Variants in ERBB4 observed in about 807,000 individuals in gnomAD.
ERBB4 encodes the protein erb-b2 receptor tyrosine kinase 4, also known as receptor tyrosine-protein kinase erbB-4.
ERBB4 carries 42 observed loss-of-function variants against 158.0 expected under a neutral mutation model. That is an observed-to-expected ratio of 0.27 (90% CI 0.21 to 0.34). The LOEUF is 0.34. ERBB4 is among the 10% of genes least tolerant of loss of function. The probability of loss-of-function intolerance (pLI) is 1.00; values close to 1 mark genes in which losing one functional copy is unlikely to be tolerated. For missense variants in ERBB4, 1,333 were observed against 1,624.1 expected, an observed-to-expected ratio of 0.82 and a Z score of 3.08; for synonymous variants, 583 against 558.7, an observed-to-expected ratio of 1.04 and a Z score of -0.61.
intron 1 of ERBB4, among the ~76,000 whole-genome samples, chr2:212,401,596 A>G (rs1219295187): frequency 6.6e-6 from 1 of 152,206 alleles, no homozygotes; most frequent in South Asian, 2.1e-4. Context: ...AAATGAAATA[A>G]GCTTAGCTTA....
At position 211,602,122 on chromosome 2, in the gene ERBB4, G is replaced by A. The variant is rs2068819086; in HGVS notation, c.2301+17055C>T. On this transcript the variant is annotated intron_variant, in intron 19 of 27. Coordinates refer to ENST00000342788, the MANE Select transcript of ERBB4 (RefSeq NM_005235.3). Reference sequence around the variant, plus strand: ...GTGGAGTAGGCAGGTGTTGGGTGTAGGGGGGTGGTCAGCAGTTTGAGTGTG... The same window carrying A: ...GTGGAGTAGGCAGGTGTTGGGTGTAAGGGGGTGGTCAGCAGTTTGAGTGTG... Among the ~76,000 whole-genome samples the A allele has an allele frequency of 2.0e-5, 3 of 151,932 alleles. No homozygotes were observed. The South Asian group carries it at 6.2e-4, about 31-fold the overall frequency.
Position 211,383,303 on chromosome 2 carries a change from A to C in ERBB4, c.*312T>G, listed in dbSNP as rs945560040. 27 of 316,534 alleles carry C rather than the reference A, an allele frequency of 8.5e-5. No homozygotes were observed. Among genetic ancestry groups the C allele is most frequent in the African/African-American group, 5.3e-4 (25 of 46,974 alleles). 19.6% of individuals were successfully genotyped at this position (316,534 alleles called of 1,614,324 possible). ...CAAAGAAAGAAAAAGAAAAAGAAAAAAAGTGACAGCTAGTTTGATAGTAGG... is the reference window on the plus strand; with the variant it reads ...CAAAGAAAGAAAAAGAAAAAGAAAACAAGTGACAGCTAGTTTGATAGTAGG... On this transcript the variant is annotated 3_prime_UTR_variant, in exon 28 of 28. Transcript: ENST00000342788.
chr2:212,057,163 A>G (rs572673219), intron 2 of ERBB4, among the ~76,000 whole-genome samples: 3 of 152,328 alleles, frequency 2.0e-5, no homozygotes, highest in South Asian at 4.1e-4. Flanking sequence ...TAAACCAGCA[A>G]AGATCGAAAG....
chr2:211,416,146 T>C (rs771575265), intron 25 of ERBB4, among the ~76,000 whole-genome samples: 2 of 152,176 alleles, frequency 1.3e-5, no homozygotes, highest in Non-Finnish European at 2.9e-5. Context: ...TCTATAAAAA[T>C]ACATGGAAGC....
intron 3 of ERBB4, among the ~76,000 whole-genome samples, chr2:211,801,181 T>C (rs2076491069): frequency 6.6e-6 from 1 of 152,120 alleles, no homozygotes; most frequent in African/African-American, 2.4e-5. Context: ...TAAATGAAAA[T>C]GTATTTAAAC....
In ERBB4 at chr2:212,348,685, G is replaced by A. The variant is rs139623177; in HGVS notation, c.82+189764C>T. Among the ~76,000 whole-genome samples the A allele has an allele frequency of 7.5e-4, 114 of 152,224 alleles. 2 individuals carry two copies. The East Asian group carries it at 0.019, about 25-fold the overall frequency. Reference sequence around the variant, plus strand: ...AATAGTTTCAATGCCTAGGGCCACCGTGTACTGCAGGAACTGGTGGCATTA... The same window carrying A: ...AATAGTTTCAATGCCTAGGGCCACCATGTACTGCAGGAACTGGTGGCATTA... On this transcript the variant is annotated intron_variant, in intron 1 of 27. Transcript: ENST00000342788.
chr2:212,350,832 G>A (rs1269260797), intron 1 of ERBB4, among the ~76,000 whole-genome samples: 1 of 151,986 alleles, frequency 6.6e-6, no homozygotes, highest in Non-Finnish European at 1.5e-5. Flanking sequence ...ACATTGTCAA[G>A]ACTTGCAATA....
chr2:212,368,847 T>A (rs2089985965), intron 1 of ERBB4, among the ~76,000 whole-genome samples: 1 of 152,106 alleles, frequency 6.6e-6, no homozygotes, highest in African/African-American at 2.4e-5. Context: ...GGAAGACATA[T>A]GAGCTCGGTT....
chr2:211,515,912 A>ATATATATATATATATATTTT (rs35696520), intron 20 of ERBB4, among the ~76,000 whole-genome samples: 20 of 78,978 alleles, frequency 2.5e-4, no homozygotes, highest in African/African-American at 5.1e-4. Flanking sequence ...ATATATATAT[A>ATATATATATATATATATTTT]TTTTTTTTTT....
At chr2:212,001,185 C>T (rs2076095306) in intron 2 of ERBB4, among the ~76,000 whole-genome samples, 1 of 152,008 alleles carries the variant, frequency 6.6e-6, no homozygotes, top group African/African-American at 2.4e-5. Flanking sequence ...TAGCATGTTT[C>T]CTTCAGCAAC....
At chr2:211,420,322 A>T in intron 25 of ERBB4, 119 bp downstream of exon 25, 1 of 755,304 alleles carries the variant, frequency 1.3e-6, no homozygotes, top group Non-Finnish European at 2.2e-6. Context: ...GTATATTTTT[A>T]ATCTAGGCAT....
chr2:211,698,314 G>GAAA (rs780824731), intron 12 of ERBB4, among the ~76,000 whole-genome samples: 1 of 88,004 alleles, frequency 1.1e-5, no homozygotes, highest in Non-Finnish European at 2.2e-5. Context: ...CTCCGTCTCA[G>GAAA]AAAAAAAAAA....
At chr2:212,453,307 A>G (rs2106031260) in intron 1 of ERBB4, among the ~76,000 whole-genome samples, 1 of 152,312 alleles carries the variant, frequency 6.6e-6, no homozygotes, top group Admixed American at 6.5e-5. Context: ...TTTAAGGTCC[A>G]TGGGACAAAA....
chr2:211,447,281 A>G (rs1029251745), intron 20 of ERBB4, among the ~76,000 whole-genome samples: 1 of 152,114 alleles, frequency 6.6e-6, no homozygotes, highest in Non-Finnish European at 1.5e-5. Flanking sequence ...TGAAATAATC[A>G]CTGTATTAAC....
chr2:211,946,839 G>A lies in ERBB4; in HGVS notation c.421+591C>T, dbSNP rs143503841. 1.3e-3 allele frequency among the ~76,000 whole-genome samples: 204 copies of A among 151,742 alleles called. 3 individuals are homozygous for A. The highest frequency in any genetic ancestry group is 0.01 in the Middle Eastern group (3 of 290). On this transcript the variant is annotated intron_variant, in intron 3 of 27. Transcript: ENST00000342788. The stretch of plus-strand genomic sequence containing the variant: ...TTCCTATCGAGTGTTTTTCACAGAA[G>A]GATGATAATTTTAGGTTGCTTACAT...
chr2:211,581,905 G>A (rs1042786044), intron 19 of ERBB4, among the ~76,000 whole-genome samples: 1 of 152,106 alleles, frequency 6.6e-6, no homozygotes, highest in Admixed American at 6.5e-5. Context: ...AGCTACTCAG[G>A]AGGCTGAGGC....
At chr2:212,438,014 A>T (rs1450552794) in intron 1 of ERBB4, among the ~76,000 whole-genome samples, 5 of 152,070 alleles carry the variant, frequency 3.3e-5, no homozygotes, top group Non-Finnish European at 2.9e-5. Flanking sequence ...GTACCATGTT[A>T]TCTCATGTGT....
At chr2:212,294,540 ACTAG>A (rs2086337542) in intron 1 of ERBB4, among the ~76,000 whole-genome samples, 1 of 152,050 alleles carries the variant, frequency 6.6e-6, no homozygotes, top group Non-Finnish European at 1.5e-5. Context: ...TATAATTCTT[ACTAG>A]CTATTGTCAA....
At chr2:211,527,379 G>T (rs1481464867) in intron 20 of ERBB4, among the ~76,000 whole-genome samples, 1 of 152,000 alleles carries the variant, frequency 6.6e-6, no homozygotes, top group African/African-American at 2.4e-5. Flanking sequence ...AGGAGAAATA[G>T]AAATTTTGCC....
Sources: allele counts gnomAD v4.1 joint callset (sites outside exome capture counted in the v4.1 genomes callset), GRCh38; gene constraint gnomAD v4.1.1; transcripts MANE v1.5; gene names NCBI Gene and HGNC (gene_info 2026-07-23, HGNC 2026-07-21).